Variants in KCTD8 observed in about 807,000 individuals in gnomAD.
KCTD8 encodes BTB/POZ domain-containing protein KCTD8.
A neutral mutation model predicts 31.5 loss-of-function variants in KCTD8; 27 were observed. The observed-to-expected ratio is 0.86, with a 90% CI of 0.63 to 1.18. KCTD8 has a LOEUF of 1.18. KCTD8 is among the 50% of genes most tolerant of loss of function. KCTD8 has a pLI of 0.00. For synonymous variants in KCTD8, 290 were observed against 280.0 expected (o/e 1.04, Z -0.36); for missense variants, 658 against 647.7 (o/e 1.02, Z -0.17).
chr4:44,382,060 G>A (rs1344245163), intron 1 of KCTD8, among the ~76,000 whole-genome samples: 4 of 152,056 alleles, frequency 2.6e-5, no homozygotes, highest in African/African-American at 9.7e-5. Context: ...CCGAACAGGA[G>A]CACTCAGATA....
intron 1 of KCTD8, among the ~76,000 whole-genome samples, chr4:44,205,624 A>G (rs760090820): frequency 3.3e-4 from 51 of 152,394 alleles, no homozygotes; most frequent in Non-Finnish European, 4.4e-4. Flanking sequence ...TTTTATAAAT[A>G]TACAATTTCT....
chr4:44,213,072 G>T (rs577641240), intron 1 of KCTD8, among the ~76,000 whole-genome samples: 37 of 152,078 alleles, frequency 2.4e-4, no homozygotes, highest in African/African-American at 8.4e-4. Context: ...CGAGTAGCTG[G>T]GTCTACAGGC....
chr4:44,346,782 G>A (rs148840508), intron 1 of KCTD8, among the ~76,000 whole-genome samples: 2,285 of 152,170 alleles, frequency 0.015, 36 homozygotes, highest in Admixed American at 0.036. Context: ...TCCTAATTAC[G>A]TATATATGTT....
At chr4:44,252,010 C>T (rs1268462770) in intron 1 of KCTD8, among the ~76,000 whole-genome samples, 2 of 151,624 alleles carry the variant, frequency 1.3e-5, no homozygotes, top group East Asian at 1.9e-4. Flanking sequence ...TATCCTTCAC[C>T]CTCACTCACC....
chr4:44,345,728 T>C (rs530510143), intron 1 of KCTD8, among the ~76,000 whole-genome samples: 10 of 152,268 alleles, frequency 6.6e-5, no homozygotes, highest in African/African-American at 2.4e-4. Flanking sequence ...TCATGTTTGT[T>C]TGCTTGCTTG....
chr4:44,188,517 A>T (rs1295174025), intron 1 of KCTD8, among the ~76,000 whole-genome samples: 1 of 152,210 alleles, frequency 6.6e-6, no homozygotes, highest in East Asian at 1.9e-4. Context: ...AATGTGAGGA[A>T]GTCCTTTGTA....
chr4:44,283,300 G>A (rs528544919), intron 1 of KCTD8, among the ~76,000 whole-genome samples: 68 of 152,062 alleles, frequency 4.5e-4, no homozygotes, highest in African/African-American at 1.6e-3. Context: ...TCTGCCCACT[G>A]TGGCCTCCCA....
intron 1 of KCTD8, among the ~76,000 whole-genome samples, chr4:44,256,412 T>G (rs1433104620): frequency 6.6e-6 from 1 of 151,886 alleles, no homozygotes; most frequent in Non-Finnish European, 1.5e-5. Context: ...AAAAAGCTTA[T>G]AGAAAATTGG....
intron 1 of KCTD8, among the ~76,000 whole-genome samples, chr4:44,406,248 C>A (rs2109460325): frequency 6.6e-6 from 1 of 152,230 alleles, no homozygotes; most frequent in East Asian, 1.9e-4. Context: ...GGGTTAAATA[C>A]AACTCAGACC....
chr4:44,448,223 G>T lies in KCTD8; in HGVS notation c.301C>A (p.Arg101=). The T allele has an allele frequency of 6.2e-7, 1 of 1,612,066 alleles. No homozygotes were observed. The highest frequency in any genetic ancestry group is 8.5e-7 in the Non-Finnish European group (1 of 1,179,572). ...ACGTACCTGAAAAGGAAGCCGTCCC[G>T]GTCGATGAAGAAGCGCGCCCGGCTG... ...RDSRARFFID[R]DGFLFRYVLD... Residue 101 remains arginine (R), a synonymous_variant, in exon 1 of 2, where the codon CGG becomes AGG. Coordinates refer to ENST00000360029, the MANE Select transcript of KCTD8 (RefSeq NM_198353.3). The surrounding 1 kb of genome is among the most constrained non-coding windows in gnomAD (Gnocchi z 4.1).
At chr4:44,359,374 G>T (rs1264638845) in intron 1 of KCTD8, among the ~76,000 whole-genome samples, 2 of 152,044 alleles carry the variant, frequency 1.3e-5, no homozygotes, top group East Asian at 3.9e-4. Flanking sequence ...ACAGTAGGAT[G>T]AAGTTTATAA....
At chr4:44,345,053 T>C (rs1719003696) in intron 1 of KCTD8, among the ~76,000 whole-genome samples, 1 of 152,154 alleles carries the variant, frequency 6.6e-6, no homozygotes, top group African/African-American at 2.4e-5. Flanking sequence ...CATACTATAA[T>C]TGAACTACTT....
intron 1 of KCTD8, among the ~76,000 whole-genome samples, chr4:44,420,434 G>T (rs540359887): frequency 4.6e-5 from 7 of 152,086 alleles, no homozygotes; most frequent in African/African-American, 1.7e-4. Flanking sequence ...CTTCTAAAAG[G>T]CCAGACAAAA....
chr4:44,400,721 T>C (rs1577655629), intron 1 of KCTD8, among the ~76,000 whole-genome samples: 1 of 113,506 alleles, frequency 8.8e-6, no homozygotes, highest in Non-Finnish European at 1.8e-5. Flanking sequence ...AGAATGAGAC[T>C]CTGTCTCAAA....
rs1335306608 is a variant in KCTD8, at chr4:44,226,345, TC to T, written c.962-51096del. Among the ~76,000 whole-genome samples the T allele has an allele frequency of 1.4e-4, 22 of 152,310 alleles. No homozygotes were observed. In the East Asian group the frequency reaches 3.9e-3, roughly 27 times the overall value. On this transcript the variant is annotated intron_variant, in intron 1 of 1. Transcript: ENST00000360029. ...CTGAGAATGATGGCTTTCAGCTTCA[TC>T]TATGTCCCTGTAAAGGACATGAACT...
chr4:44,282,478 C>G (rs1380360511), intron 1 of KCTD8, among the ~76,000 whole-genome samples: 2 of 152,050 alleles, frequency 1.3e-5, no homozygotes, highest in African/African-American at 4.8e-5. Flanking sequence ...CATTAATAAA[C>G]CTACAATGTC....
At chr4:44,357,085 G>A (rs13119589) in intron 1 of KCTD8, among the ~76,000 whole-genome samples, 15,077 of 102,140 alleles carry the variant, frequency 0.15, 850 homozygotes, top group South Asian at 0.28. Flanking sequence ...AAAGGCATTT[G>A]AGGCAAAAAA....
At chr4:44,383,465 G>A (rs557303681) in intron 1 of KCTD8, among the ~76,000 whole-genome samples, 1 of 152,092 alleles carries the variant, frequency 6.6e-6, no homozygotes, top group East Asian at 1.9e-4. Flanking sequence ...CATAGAAACT[G>A]ACACATAGAC....
intron 1 of KCTD8, among the ~76,000 whole-genome samples, chr4:44,425,214 C>T (rs190330816): frequency 8.7e-4 from 132 of 152,082 alleles, no homozygotes; most frequent in African/African-American, 3.1e-3. Flanking sequence ...TAATACACTC[C>T]TGTAGACTAA....
Sources: allele counts gnomAD v4.1 joint callset (sites outside exome capture counted in the v4.1 genomes callset), GRCh38; gene constraint gnomAD v4.1.1; non-coding constraint Gnocchi (gnomAD v3.1); transcripts MANE v1.5; gene names NCBI Gene and HGNC (gene_info 2026-07-23, HGNC 2026-07-21).